TVP23C: variants seen among roughly 807,000 people sequenced by gnomAD.
The protein encoded by TVP23C is trans-golgi network vesicle protein 23 homolog C, also known as Golgi apparatus membrane protein TVP23 homolog C.
TVP23C carries 19 observed loss-of-function variants against 28.7 expected under a neutral mutation model. The ratio of observed to expected loss-of-function variants is 0.66; its 90% confidence interval spans 0.46 to 0.97. The LOEUF (loss-of-function observed/expected upper bound fraction) is 0.97, where lower values mean the gene tolerates loss of function less well. TVP23C is among the 50% of genes least tolerant of loss of function. The pLI is 0.00. For synonymous variants in TVP23C, 68 were observed against 81.7 expected, an observed-to-expected ratio of 0.83 and a Z score of 0.90; for missense variants, 186 against 241.3, an observed-to-expected ratio of 0.77 and a Z score of 1.52.
intron 5 of TVP23C, among the ~76,000 whole-genome samples, chr17:15,521,787 T>C (rs995126457): frequency 6.6e-6 from 1 of 152,202 alleles, no homozygotes. Context: ...CTCAGTAAGA[T>C]ATAACGACAA....
At chr17:15,560,159 A>G (rs1319951138) in intron 1 of TVP23C, among the ~76,000 whole-genome samples, 1 of 149,402 alleles carries the variant, frequency 6.7e-6, no homozygotes, top group Admixed American at 6.7e-5. Context: ...TCCCGGGTTC[A>G]AGGGACTCCC....
At chr17:15,554,936 A>C (rs1227915175) in intron 2 of TVP23C, among the ~76,000 whole-genome samples, 1 of 152,238 alleles carries the variant, frequency 6.6e-6, no homozygotes, top group East Asian at 1.9e-4. Flanking sequence ...TTAAATTTAG[A>C]ATAGAAATGT....
At chr17:15,509,226 T>A (rs1282727793) in intron 5 of TVP23C, among the ~76,000 whole-genome samples, 1 of 152,080 alleles carries the variant, frequency 6.6e-6, no homozygotes, top group Non-Finnish European at 1.5e-5. Flanking sequence ...AAACACAACC[T>A]CTAACAGAGG....
At chr17:15,543,445 G>A (rs1040887030) in intron 5 of TVP23C, among the ~76,000 whole-genome samples, 10 of 150,864 alleles carry the variant, frequency 6.6e-5, no homozygotes, top group East Asian at 1.9e-4. Flanking sequence ...GAATCTACTC[G>A]AAAAGAAAAA....
chr17:15,548,097 G>C (rs1048424140), intron 3 of TVP23C, among the ~76,000 whole-genome samples: 3 of 151,880 alleles, frequency 2.0e-5, no homozygotes, highest in Non-Finnish European at 2.9e-5. Context: ...AGAAATCACA[G>C]GCATTTTTTT....
At chr17:15,513,863 G>A (rs1284441022) in intron 5 of TVP23C, among the ~76,000 whole-genome samples, 8 of 152,204 alleles carry the variant, frequency 5.3e-5, no homozygotes, top group African/African-American at 1.7e-4. Context: ...AGAAAAGGCA[G>A]TGAAGTAAAG....
chr17:15,524,296 C>G (rs1982625527), intron 5 of TVP23C, among the ~76,000 whole-genome samples: 1 of 152,070 alleles, frequency 6.6e-6, no homozygotes, highest in Non-Finnish European at 1.5e-5. Flanking sequence ...TTTGCCTCCC[C>G]CTACTCCCTA....
In TVP23C at chr17:15,511,053, CAAAAAAAAAAAAA is replaced by C. The variant is rs58794054; in HGVS notation, c.463-7834_463-7822del. 6.0e-5 allele frequency among the ~76,000 whole-genome samples: 5 copies of C among 83,418 alleles called. No homozygotes were observed. In the South Asian group the frequency reaches 1.7e-3, roughly 29 times the overall value. 54.7% of individuals were successfully genotyped at this position (83,418 alleles called of 152,430 possible). On this transcript the variant is annotated intron_variant, in intron 5 of 5. Transcript: ENST00000225576. The stretch of plus-strand genomic sequence containing the variant: ...TGGGTGACAGGGCCAGACTTCGTCT[CAAAAAAAAAAAAA>C]AAAAAAAAAAGATAATGGAAGAGGC...
At position 15,557,106 on chromosome 17, in the gene TVP23C, A is replaced by C. The variant is rs1984167912; in HGVS notation, c.13-1742T>G. On this transcript the variant is annotated intron_variant, in intron 1 of 5. Transcript: ENST00000518321. ...ATGCCCTGCTCACCACCAAATACCA[A>C]ATCATCCTTCAAGTTTTTTAGCTCA... Among the ~76,000 whole-genome samples the C allele has an allele frequency of 2.0e-5, 3 of 148,944 alleles. No homozygotes were observed. The South Asian group carries it at 6.5e-4, about 32-fold the overall frequency.
intron 1 of TVP23C, among the ~76,000 whole-genome samples, chr17:15,558,144 T>C (rs1039513289): frequency 1.3e-5 from 2 of 149,312 alleles, no homozygotes; most frequent in African/African-American, 4.8e-5. Flanking sequence ...ACAGCAAGAC[T>C]GAGATCCACC....
In TVP23C at chr17:15,540,067, T is replaced by C; in HGVS notation, c.*345A>G. 21 of 1,109,126 alleles carry C rather than the reference T, an allele frequency of 1.9e-5. No homozygotes were observed. The highest frequency in any genetic ancestry group is 2.1e-5 in the Non-Finnish European group (19 of 905,936). 68.7% of individuals were successfully genotyped at this position (1,109,126 alleles called of 1,614,324 possible). Reference sequence around the variant, plus strand: ...GAGATTGCACCACTGCACTCCAGCCTGGGCGACAGAGCAAAACTCTGTCTC... The same window carrying C: ...GAGATTGCACCACTGCACTCCAGCCCGGGCGACAGAGCAAAACTCTGTCTC... On this transcript the variant is annotated 3_prime_UTR_variant, in exon 6 of 6. Transcript: ENST00000518321.
In TVP23C at chr17:15,537,887, TACACCACAGAACAAATCTTA is replaced by T. The variant is rs1334826103; in HGVS notation, c.*2505_*2524del. On this transcript the variant is annotated 3_prime_UTR_variant, in exon 6 of 6. Coordinates refer to ENST00000518321, the MANE Select transcript of TVP23C (RefSeq NM_001135036.2). ...TGCATACCTATGGAATGTGCATACCTACACCACAGAACAAATCTTAACAATGTTTCTAGTGCCAACATATA... is the reference window on the plus strand; with the variant it reads ...TGCATACCTATGGAATGTGCATACCTACAATGTTTCTAGTGCCAACATATA... 7.1e-7 allele frequency: 1 copy of T among 1,414,978 alleles called. No individual in the cohort carries two copies. The highest frequency in any genetic ancestry group is 9.2e-7 in the Non-Finnish European group (1 of 1,086,866). 87.7% of individuals were successfully genotyped at this position (1,414,978 alleles called of 1,614,324 possible).
In TVP23C at chr17:15,519,651, C is replaced by T. The variant is rs543696027; in HGVS notation, c.463-16419G>A. ...GGTGGCCAGGCGCGGTGGCTCACAC[C>T]TGTAATCCCAGCACTTTGGGAGGCC... On this transcript the variant is annotated intron_variant, in intron 5 of 5. Coordinates refer to the TVP23C transcript ENST00000225576. Among the ~76,000 whole-genome samples the T allele has an allele frequency of 2.0e-5, 3 of 152,290 alleles. No homozygotes were observed. The South Asian group carries it at 6.2e-4, about 32-fold the overall frequency.
chr17:15,527,840 G>A (rs940822505), intron 5 of TVP23C, among the ~76,000 whole-genome samples: 1 of 152,184 alleles, frequency 6.6e-6, no homozygotes, highest in African/African-American at 2.4e-5. Context: ...AACAATTCGT[G>A]GAAAGCACTT....
chr17:15,533,919 G>T (rs1202012266), downstream of TVP23C, among the ~76,000 whole-genome samples: 11 of 152,302 alleles, frequency 7.2e-5, no homozygotes, highest in South Asian at 2.1e-4. Context: ...CAAGAGACAA[G>T]AATGTTTGGT....
intron 5 of TVP23C, among the ~76,000 whole-genome samples, chr17:15,542,361 G>A (rs533856758): frequency 7.9e-5 from 12 of 152,250 alleles, no homozygotes; most frequent in Non-Finnish European, 1.3e-4. Context: ...ATAATCATGA[G>A]AGATGATCAT....
At chr17:15,508,595 G>A (rs754951907) in intron 5 of TVP23C, among the ~76,000 whole-genome samples, 2 of 152,136 alleles carry the variant, frequency 1.3e-5, no homozygotes, top group African/African-American at 4.8e-5. Flanking sequence ...CCCTCCCTGT[G>A]GCTTCGCTGG....
intron 5 of TVP23C, among the ~76,000 whole-genome samples, chr17:15,523,918 AAGAT>A (rs1260750198): frequency 6.6e-6 from 1 of 152,238 alleles, no homozygotes; most frequent in Non-Finnish European, 1.5e-5. Flanking sequence ...CAGCCGCCAG[AAGAT>A]ATTTTTAACA....
intron 5 of TVP23C, among the ~76,000 whole-genome samples, chr17:15,511,009 G>C (rs1343004518): frequency 7.5e-6 from 1 of 132,856 alleles, no homozygotes; most frequent in East Asian, 2.1e-4. Context: ...AGCTGAGATT[G>C]CACCATTGCA....
Sources: allele counts gnomAD v4.1 joint callset (sites outside exome capture counted in the v4.1 genomes callset), GRCh38; gene constraint gnomAD v4.1.1; transcripts MANE v1.5; gene names NCBI Gene and HGNC (gene_info 2026-07-23, HGNC 2026-07-21).